ARB2A: variants seen among roughly 807,000 people sequenced by gnomAD.
The protein encoded by ARB2A is ARB2 cotranscriptional regulator A.
the ARB2A span, among the ~76,000 whole-genome samples, chr5:93,974,609 A>T: frequency 6.6e-6 from 1 of 152,166 alleles, no homozygotes; most frequent in Admixed American, 6.5e-5. Context: ...CCTAATAGAC[A>T]TCTATGGAAT....
chr5:94,089,642 C>CAA, the ARB2A span, among the ~76,000 whole-genome samples: 2 of 148,402 alleles, frequency 1.3e-5, no homozygotes, highest in Admixed American at 6.8e-5. Context: ...CACACACACA[C>CAA]TGCAGAGGGA....
At chr5:93,840,495 C>T in the ARB2A span, among the ~76,000 whole-genome samples, 185 of 152,278 alleles carry the variant, frequency 1.2e-3, 3 homozygotes, top group East Asian at 0.033. Context: ...GGTAACTCCA[C>T]CCACCTGTTT....
chr5:93,857,225 G>A, the ARB2A span, among the ~76,000 whole-genome samples: 2 of 152,104 alleles, frequency 1.3e-5, no homozygotes, highest in Non-Finnish European at 2.9e-5. Flanking sequence ...GCTGCTCGGG[G>A]GTCAGGAGTC....
chr5:93,840,325 A>AG, the ARB2A span, among the ~76,000 whole-genome samples: 1 of 152,234 alleles, frequency 6.6e-6, no homozygotes, highest in Non-Finnish European at 1.5e-5. Flanking sequence ...GGTTATGCAC[A>AG]GAAGACATCT....
the ARB2A span, among the ~76,000 whole-genome samples, chr5:94,012,683 C>T: frequency 2.0e-5 from 3 of 152,270 alleles, no homozygotes; most frequent in East Asian, 1.9e-4. Flanking sequence ...TGCTAACTCA[C>T]GGGCTTGTAA....
At chr5:93,886,743 C>A in the ARB2A span, among the ~76,000 whole-genome samples, 1 of 151,626 alleles carries the variant, frequency 6.6e-6, no homozygotes. Context: ...CAAGACGTGA[C>A]CTGGGACTGA....
At chr5:93,934,899 A>C in the ARB2A span, among the ~76,000 whole-genome samples, 1 of 152,224 alleles carries the variant, frequency 6.6e-6, no homozygotes, top group Non-Finnish European at 1.5e-5. Context: ...GACAACCATA[A>C]AAAGGAACAA....
At chr5:93,894,873 A>G in the ARB2A span, among the ~76,000 whole-genome samples, 1 of 152,206 alleles carries the variant, frequency 6.6e-6, no homozygotes, top group Non-Finnish European at 1.5e-5. Flanking sequence ...TACAGCATGG[A>G]ATAGTGTGAA....
chr5:93,998,926 T>C, the ARB2A span, among the ~76,000 whole-genome samples: 1 of 152,058 alleles, frequency 6.6e-6, no homozygotes, highest in East Asian at 1.9e-4. Context: ...AAACATATTA[T>C]TCTTTTCTTA....
the ARB2A span, among the ~76,000 whole-genome samples, chr5:93,979,289 G>A: frequency 3.3e-5 from 5 of 152,148 alleles, no homozygotes; most frequent in Admixed American, 1.3e-4. Context: ...AGTATGTTAG[G>A]AACATTCACA....
At chr5:93,891,486 T>C in the ARB2A span, among the ~76,000 whole-genome samples, 6 of 152,126 alleles carry the variant, frequency 3.9e-5, no homozygotes, top group Non-Finnish European at 5.9e-5. Flanking sequence ...TCAACAATAA[T>C]ATACAACTCA....
At chr5:94,111,041 G>A in the ARB2A span, among the ~76,000 whole-genome samples, 1 of 152,084 alleles carries the variant, frequency 6.6e-6, no homozygotes, top group Non-Finnish European at 1.5e-5. Context: ...CCAGAGAAAC[G>A]TCCCACCCGC....
the ARB2A span, among the ~76,000 whole-genome samples, chr5:93,795,644 A>G: frequency 6.6e-6 from 1 of 151,658 alleles, no homozygotes; most frequent in Non-Finnish European, 1.5e-5. Context: ...ACCTGCTAAC[A>G]CTCCATTGTC....
At chr5:93,948,233 T>C in the ARB2A span, among the ~76,000 whole-genome samples, 25 of 152,324 alleles carry the variant, frequency 1.6e-4, no homozygotes, top group Middle Eastern at 3.4e-3. Context: ...TATCTCATTG[T>C]GGTTTTGATT....
chr5:93,727,321 A>G, the ARB2A span, among the ~76,000 whole-genome samples: 7 of 152,044 alleles, frequency 4.6e-5, no homozygotes, highest in Non-Finnish European at 1.0e-4. Flanking sequence ...GTGAAAATTC[A>G]TTCTGGAAAA....
At chr5:93,899,263 TACCTACA>T in the ARB2A span, among the ~76,000 whole-genome samples, 1 of 152,274 alleles carries the variant, frequency 6.6e-6, no homozygotes, top group East Asian at 1.9e-4. Flanking sequence ...GCAGCTCATC[TACCTACA>T]AACTCTGTCA....
the ARB2A span, among the ~76,000 whole-genome samples, chr5:93,661,826 C>T: frequency 6.6e-6 from 1 of 151,964 alleles, no homozygotes; most frequent in African/African-American, 2.4e-5. Context: ...CACCAAGAGA[C>T]CGGTGGATGA....
the ARB2A span, among the ~76,000 whole-genome samples, chr5:93,694,057 C>G: frequency 6.6e-6 from 1 of 152,116 alleles, no homozygotes; most frequent in Non-Finnish European, 1.5e-5. Context: ...ATAATAAGAG[C>G]TATTTATGAC....
the ARB2A span, among the ~76,000 whole-genome samples, chr5:93,703,368 C>A: frequency 2.0e-5 from 3 of 152,142 alleles, no homozygotes; most frequent in Non-Finnish European, 4.4e-5. Flanking sequence ...GTTTACTCAT[C>A]TGTAAAAAAA....
Sources: allele counts gnomAD v4.1 joint callset (sites outside exome capture counted in the v4.1 genomes callset), GRCh38; gene constraint gnomAD v4.1.1; transcripts MANE v1.5; gene names NCBI Gene and HGNC (gene_info 2026-07-23, HGNC 2026-07-21).